Variants in LDLRAD4 observed in about 807,000 individuals in gnomAD.
LDLRAD4 encodes low-density lipoprotein receptor class A domain-containing protein 4.
LDLRAD4 carries 5 observed loss-of-function variants against 17.0 expected under a neutral mutation model. The observed-to-expected ratio is 0.29, with a 90% CI of 0.15 to 0.62. The LOEUF is 0.62. Among genes scored for constraint, LDLRAD4 ranks in the 20% least tolerant of loss-of-function variants. The probability of loss-of-function intolerance (pLI) is 0.84; values close to 1 mark genes in which losing one functional copy is unlikely to be tolerated. For synonymous variants in LDLRAD4, 168 were observed against 171.8 expected (o/e 0.98, Z 0.17); for missense variants, 340 against 424.7 (o/e 0.80, Z 1.75).
At chr18:13,477,538 G>A (rs2092973971) in intron 3 of LDLRAD4, among the ~76,000 whole-genome samples, 1 of 152,204 alleles carries the variant, frequency 6.6e-6, no homozygotes, top group Non-Finnish European at 1.5e-5. Flanking sequence ...AGCATGGCTT[G>A]GATGTTGATC....
At chr18:13,383,846 C>T (rs927016662) in intron 1 of LDLRAD4, among the ~76,000 whole-genome samples, 17 of 152,216 alleles carry the variant, frequency 1.1e-4, no homozygotes, top group Non-Finnish European at 1.5e-4. Context: ...ACGAAGCTTG[C>T]ACCTCTGCTG....
At chr18:13,482,794 T>G (rs1342977292) in intron 3 of LDLRAD4, among the ~76,000 whole-genome samples, 1 of 152,240 alleles carries the variant, frequency 6.6e-6, no homozygotes, top group African/African-American at 2.4e-5. Flanking sequence ...AAAGGTTGTC[T>G]AATTATGCAG....
chr18:13,639,505 G>A (rs1345632483), intron 4 of LDLRAD4, among the ~76,000 whole-genome samples: 3 of 152,256 alleles, frequency 2.0e-5, no homozygotes, highest in Non-Finnish European at 4.4e-5. Context: ...GCGTGTGACA[G>A]CCTTGGTGGA....
intron 3 of LDLRAD4, among the ~76,000 whole-genome samples, chr18:13,498,128 A>G (rs8095440): frequency 0.95 from 41,490 of 43,796 alleles, 19,727 homozygotes; most frequent in Non-Finnish European, 0.99. Context: ...AAGTCCTGCC[A>G]TGGACACTGG....
At chr18:13,251,302 C>T (rs536942334) in intron 1 of LDLRAD4, among the ~76,000 whole-genome samples, 2 of 152,278 alleles carry the variant, frequency 1.3e-5, no homozygotes, top group African/African-American at 4.8e-5. Context: ...AATACTTTTC[C>T]TTTAAGAACT....
rs117518956 is a variant in LDLRAD4, at chr18:13,286,893, G to C, written c.-383+8705G>C. 6.2e-4 allele frequency among the ~76,000 whole-genome samples: 95 copies of C among 152,282 alleles called. 3 individuals are homozygous for C. The East Asian group carries it at 0.017, about 27-fold the overall frequency. Reference sequence around the variant, plus strand: ...TTGTGTTGGTAGCTGGAATGTGCAGGGCAGGTGGGGCAGAAGGTGGATTGC... The same window carrying C: ...TTGTGTTGGTAGCTGGAATGTGCAGCGCAGGTGGGGCAGAAGGTGGATTGC... On this transcript the variant is annotated intron_variant, in intron 1 of 5. Transcript: ENST00000359446.
chr18:13,380,833 A>G (rs552270710), intron 1 of LDLRAD4, among the ~76,000 whole-genome samples: 22 of 152,290 alleles, frequency 1.4e-4, no homozygotes, highest in African/African-American at 3.4e-4. Context: ...TATGCTGAAC[A>G]AGTAACCAGA....
rs577402953 is a variant in LDLRAD4, at chr18:13,404,295, T to C, written c.40+16533T>C. The stretch of plus-strand genomic sequence containing the variant: ...GCATCCCCGCTGTTTCCCCTGCCCC[T>C]GAACAGGCGTGGAGATGTGCACGGG... On this transcript the variant is annotated intron_variant, in intron 2 of 5. Coordinates refer to ENST00000359446, the Ensembl canonical transcript of LDLRAD4. Among the ~76,000 whole-genome samples, 10 of 152,294 alleles carry C rather than the reference T, an allele frequency of 6.6e-5. No homozygotes were observed. The East Asian group carries it at 9.7e-4, about 15-fold the overall frequency.
At chr18:13,430,358 G>C (rs1159786629) in intron 2 of LDLRAD4, among the ~76,000 whole-genome samples, 1 of 152,230 alleles carries the variant, frequency 6.6e-6, no homozygotes, top group Non-Finnish European at 1.5e-5. Context: ...AAGGTTATGC[G>C]AGGTTAGTCC....
At chr18:13,260,120 GAGA>G (rs1313939802) in intron 1 of LDLRAD4, among the ~76,000 whole-genome samples, 9 of 152,254 alleles carry the variant, frequency 5.9e-5, no homozygotes, top group Non-Finnish European at 1.5e-5. Context: ...CCCTTAAATA[GAGA>G]AGACTCTAAG....
At chr18:13,557,868 C>A (rs2094500392) in intron 3 of LDLRAD4, among the ~76,000 whole-genome samples, 1 of 152,158 alleles carries the variant, frequency 6.6e-6, no homozygotes, top group Admixed American at 6.5e-5. Flanking sequence ...ATACCAGACA[C>A]CAGTATGTCC....
intron 1 of LDLRAD4, among the ~76,000 whole-genome samples, chr18:13,346,197 C>G (rs1252333570): frequency 6.6e-6 from 1 of 152,130 alleles, no homozygotes; most frequent in African/African-American, 2.4e-5. Context: ...GATCTTCCTG[C>G]TTTCTCTTGT....
chr18:13,564,694 G>A (rs151076388), intron 3 of LDLRAD4, among the ~76,000 whole-genome samples: 1,267 of 105,662 alleles, frequency 0.012, 20 homozygotes, highest in African/African-American at 0.035. Context: ...CCGCCTCTGC[G>A]CTGCCGCCCC....
intron 2 of LDLRAD4, among the ~76,000 whole-genome samples, chr18:13,435,120 G>A (rs1247584551): frequency 6.6e-6 from 1 of 152,224 alleles, no homozygotes; most frequent in Non-Finnish European, 1.5e-5. Flanking sequence ...GAATGCACTG[G>A]GCTTTTGGGT....
chr18:13,361,674 G>C (rs1166817612), intron 1 of LDLRAD4, among the ~76,000 whole-genome samples: 2 of 152,208 alleles, frequency 1.3e-5, no homozygotes, highest in African/African-American at 2.4e-5. Flanking sequence ...CACCCATGCA[G>C]GTGTTAGGGC....
At chr18:13,315,542 T>G (rs1435995987) in intron 1 of LDLRAD4, among the ~76,000 whole-genome samples, 1 of 152,104 alleles carries the variant, frequency 6.6e-6, no homozygotes, top group Non-Finnish European at 1.5e-5. Context: ...ACCAGCACTT[T>G]GGGAGGCCGA....
At chr18:13,231,477 C>T (rs1020710145) in intron 1 of LDLRAD4, among the ~76,000 whole-genome samples, 1 of 152,066 alleles carries the variant, frequency 6.6e-6, no homozygotes, top group Non-Finnish European at 1.5e-5. Context: ...CCATCTTTGT[C>T]GAAAACCAAA....
chr18:13,232,810 C>T (rs1012424399), intron 1 of LDLRAD4, among the ~76,000 whole-genome samples: 2 of 152,176 alleles, frequency 1.3e-5, no homozygotes, highest in East Asian at 1.9e-4. Context: ...CTGGAAGCTG[C>T]GTGTGGGAGA....
intron 3 of LDLRAD4, among the ~76,000 whole-genome samples, chr18:13,472,919 C>A (rs1456500940): frequency 6.6e-6 from 1 of 152,178 alleles, no homozygotes; most frequent in Non-Finnish European, 1.5e-5. Context: ...TTATGTCTGT[C>A]TTTTGCAAAC....
Sources: allele counts gnomAD v4.1 joint callset (sites outside exome capture counted in the v4.1 genomes callset), GRCh38; gene constraint gnomAD v4.1.1; transcripts MANE v1.5; gene names NCBI Gene and HGNC (gene_info 2026-07-23, HGNC 2026-07-21).